IVD: variants seen among roughly 807,000 people sequenced by gnomAD.
IVD encodes isovaleryl-CoA dehydrogenase, also known as isovaleryl-CoA dehydrogenase, mitochondrial.
Under a neutral mutation model 51.3 loss-of-function variants are expected in IVD, and 31 were observed. That is an observed-to-expected ratio of 0.60 (90% CI 0.45 to 0.81). The LOEUF (loss-of-function observed/expected upper bound fraction) is 0.81, where lower values mean the gene tolerates loss of function less well. Ranked by LOEUF, IVD falls within the 40% of genes least tolerant of loss-of-function variation. The pLI is 0.00. For missense variants in IVD, 475 were observed against 552.0 expected (o/e 0.86, Z 1.40); for synonymous variants, 205 against 219.4 (o/e 0.93, Z 0.58).
intron 7 of IVD, 115 bp from the exon 8 acceptor site, chr15:40,414,774 A>G (rs1203684462): frequency 2.0e-6 from 3 of 1,515,760 alleles, no homozygotes; most frequent in Non-Finnish European, 1.8e-6. Flanking sequence ...AATAAAGGTC[A>G]AGTGACATAT....
At chr15:40,415,980 T>C in intron 9 of IVD, 98 bp from the exon 10 acceptor site, 1 of 1,027,688 alleles carries the variant, frequency 9.7e-7, no homozygotes, top group Non-Finnish European at 1.5e-6. Context: ...ATGCCCCTGC[T>C]TCCTCATCCT....
rs982187608 is a variant in IVD at position 40,418,470 on chromosome 15, T to C, written c.*207T>C. The C allele has an allele frequency of 5.6e-6, 8 of 1,423,960 alleles. No homozygotes were observed. The highest frequency in any genetic ancestry group is 2.6e-5 in the Admixed American group (1 of 39,068). 88.2% of individuals were successfully genotyped at this position (1,423,960 alleles called of 1,614,324 possible). A position where few individuals can be genotyped will look rare whatever the true frequency, so the allele number is the denominator to read the frequency against. ...CGGGCCTGTGCCACGGCTAGTGTTG[T>C]GTGATTTAAAATGGACTCAGCAGGA... On this transcript the variant is annotated 3_prime_UTR_variant, in exon 12 of 12. Coordinates refer to ENST00000487418, the MANE Select transcript of IVD (RefSeq NM_002225.5).
In IVD at chr15:40,411,281, G is replaced by A. The variant is rs1285675428; in HGVS notation, c.478G>A (p.Gly160Arg). Reference sequence around the variant, plus strand: ...GCAGCTGATCAGTGGTGAGTACATCGGAGCCCTGGCCATGAGTGAGCCCAA... The same window carrying A: ...GCAGCTGATCAGTGGTGAGTACATCAGAGCCCTGGCCATGAGTGAGCCCAA... ...LPKLISGEYI[G>R]ALAMSEPNAG... is the part of the protein sequence containing the mutation. Residue 160 changes from glycine (G) to arginine (R), a missense_variant, in exon 5 of 12, where the codon GGA becomes AGA. Coordinates refer to ENST00000487418, the MANE Select transcript of IVD (RefSeq NM_002225.5). The A allele has an allele frequency of 2.5e-6, 4 of 1,614,152 alleles. No individual in the cohort carries two copies. Among genetic ancestry groups the A allele is most frequent in the Middle Eastern group, 1.7e-4 (1 of 6,060 alleles).
chr15:40,423,586 C>A (rs543321355), downstream of IVD, among the ~76,000 whole-genome samples: 4 of 152,224 alleles, frequency 2.6e-5, no homozygotes, highest in East Asian at 3.9e-4. Flanking sequence ...CTCAGCCTCC[C>A]GAGTAGCTGG....
chr15:40,412,779 G>T, intron 6 of IVD: 1 of 575,534 alleles, frequency 1.7e-6, no homozygotes, highest in East Asian at 3.0e-5. Context: ...GAGAACTGGG[G>T]AGAACACAAG....
downstream of IVD, among the ~76,000 whole-genome samples, chr15:40,421,909 G>A (rs949980300): frequency 1.3e-5 from 2 of 152,218 alleles, no homozygotes; most frequent in South Asian, 4.1e-4. Context: ...GCGCGGTCTG[G>A]AGAGAGGTTC....
At chr15:40,423,219 T>C (rs1202344706), downstream of IVD, among the ~76,000 whole-genome samples, 2 of 152,204 alleles carry the variant, frequency 1.3e-5, no homozygotes, top group Admixed American at 6.5e-5. Context: ...ATTATAGGCG[T>C]TGAGCCAGTG....
chr15:40,426,498 A>G (rs1892680885), downstream of IVD, among the ~76,000 whole-genome samples: 1 of 151,622 alleles, frequency 6.6e-6, no homozygotes, highest in Non-Finnish European at 1.5e-5. Context: ...AGATCACACC[A>G]TTGCACTCCA....
downstream of IVD, chr15:40,424,063 A>C: frequency 2.0e-6 from 2 of 984,040 alleles, no homozygotes; most frequent in Non-Finnish European, 2.7e-6. Context: ...AGCCACTCTC[A>C]GAGGCTAGCC....
At chr15:40,430,663 C>A (rs886402799) in intron 7 of IVD, among the ~76,000 whole-genome samples, 3 of 152,066 alleles carry the variant, frequency 2.0e-5, no homozygotes, top group Non-Finnish European at 4.4e-5. Flanking sequence ...CTATGGGTGG[C>A]GGCTTGGGAG....
chr15:40,409,446 G>T (rs1426031292), intron 3 of IVD, among the ~76,000 whole-genome samples: 3 of 152,088 alleles, frequency 2.0e-5, no homozygotes, highest in Non-Finnish European at 4.4e-5. Flanking sequence ...TCTTTCAAGG[G>T]AACCTGAAAA....
intron 3 of IVD, among the ~76,000 whole-genome samples, chr15:40,409,180 C>T (rs936040926): frequency 6.6e-6 from 1 of 152,194 alleles, no homozygotes; most frequent in Non-Finnish European, 1.5e-5. Context: ...GTACCCCACT[C>T]CCTGCAGACA....
intron 7 of IVD, chr15:40,414,300 C>G (rs1891415889): frequency 6.2e-6 from 1 of 160,220 alleles, no homozygotes; most frequent in Non-Finnish European, 1.4e-5. Flanking sequence ...TCTTTGTTGA[C>G]AGGAAAAAAT....
intron 7 of IVD, among the ~76,000 whole-genome samples, chr15:40,431,573 T>C (rs1044406192): frequency 2.6e-5 from 4 of 151,870 alleles, no homozygotes; most frequent in Non-Finnish European, 5.9e-5. Context: ...CGGGCGCCTG[T>C]AGTCCCAGCT....
intron 7 of IVD, among the ~76,000 whole-genome samples, chr15:40,413,626 G>A (rs947790150): frequency 4.7e-4 from 72 of 151,942 alleles, no homozygotes; most frequent in African/African-American, 1.7e-3. Flanking sequence ...CAGCCATCAT[G>A]TACTAACCAG....
In IVD at chr15:40,420,931, C is replaced by G; in HGVS notation, c.*2668C>G. The G allele has an allele frequency of 1.0e-6, 1 of 985,518 alleles. No homozygotes were observed. The highest frequency in any genetic ancestry group is 1.2e-6 in the Non-Finnish European group (1 of 830,008). The allele number at this position is 985,518 out of a possible 1,614,324, so 61.0% of individuals were successfully genotyped here. ...GGAACTGGTTTTCTTGGTTCTCAGCCCAGCAGCACCTATCCTGGCTCTTGG... is the reference window on the plus strand; with the variant it reads ...GGAACTGGTTTTCTTGGTTCTCAGCGCAGCAGCACCTATCCTGGCTCTTGG... On this transcript the variant is annotated 3_prime_UTR_variant, in exon 12 of 12. Transcript: ENST00000487418.
Position 40,407,373 on chromosome 15 carries a change from G to A in IVD, c.145-263G>A, listed in dbSNP as rs117677516. Reference sequence around the variant, plus strand: ...CCTAGTAGGCCTGGGTGAGAAGCTTGTGTTTTATTCTAAGTACAGTGGAAA... The same window carrying A: ...CCTAGTAGGCCTGGGTGAGAAGCTTATGTTTTATTCTAAGTACAGTGGAAA... On this transcript the variant is annotated intron_variant, in intron 1 of 11. Transcript: ENST00000487418. Among the ~76,000 whole-genome samples, 6 of 152,346 alleles carry A rather than the reference G, an allele frequency of 3.9e-5. No homozygotes were observed. In the East Asian group the frequency reaches 7.7e-4, roughly 20 times the overall value.
At chr15:40,422,497 A>T (rs1017534089), downstream of IVD, among the ~76,000 whole-genome samples, 1 of 139,836 alleles carries the variant, frequency 7.2e-6, no homozygotes, top group East Asian at 2.3e-4. Context: ...GTTAGCCAGG[A>T]TGGTCTCGAT....
At chr15:40,409,251 AAT>A (rs1293034236) in intron 3 of IVD, among the ~76,000 whole-genome samples, 2 of 151,946 alleles carry the variant, frequency 1.3e-5, no homozygotes, top group African/African-American at 4.8e-5. Context: ...ATCAGATGAA[AAT>A]GGCCAGGTGT....
Sources: gnomAD v4.1 joint callset for allele counts (sites outside exome capture counted in the v4.1 genomes callset) on GRCh38, gnomAD v4.1.1 for gene constraint, MANE v1.5 for transcripts, NCBI Gene and HGNC (gene_info 2026-07-23, HGNC 2026-07-21) for gene names.